RNF43: variants seen among roughly 807,000 people sequenced by gnomAD.
RNF43 encodes the protein E3 ubiquitin-protein ligase RNF43.
In RNF43, 37 loss-of-function variants were observed where a neutral mutation model predicts 78.4. The observed-to-expected ratio is 0.47, with a 90% confidence interval of 0.36 to 0.62. The LOEUF (loss-of-function observed/expected upper bound fraction) is 0.62. Ranked by LOEUF, RNF43 falls within the 20% of genes least tolerant of loss-of-function variation. RNF43 has a pLI of 0.00. For synonymous variants in RNF43, 347 were observed against 395.0 expected, an observed-to-expected ratio of 0.88 and a Z score of 1.44; for missense variants, 774 against 1,007.9, an observed-to-expected ratio of 0.77 and a Z score of 3.14.
intron 2 of RNF43, among the ~76,000 whole-genome samples, chr17:58,400,419 A>C (rs1431642492): frequency 1.3e-5 from 2 of 152,252 alleles, no homozygotes; most frequent in Non-Finnish European, 2.9e-5. Flanking sequence ...CACACTTAGT[A>C]ATATTTCTGA....
intron 2 of RNF43, among the ~76,000 whole-genome samples, chr17:58,395,990 C>T (rs1423531112): frequency 6.6e-6 from 1 of 152,124 alleles, no homozygotes; most frequent in East Asian, 1.9e-4. Context: ...GCATGCATTT[C>T]CATTGCCTGT....
At chr17:58,372,054 AAG>A (rs1973109464) in intron 2 of RNF43, among the ~76,000 whole-genome samples, 2 of 152,312 alleles carry the variant, frequency 1.3e-5, no homozygotes, top group African/African-American at 4.8e-5. Context: ...CCTGGCAAGA[AAG>A]AGATTTCTTA....
At position 58,387,660 on chromosome 17, in the gene RNF43, C is replaced by CAA. The variant is rs199748044; in HGVS notation, c.253-16629_253-16628dup. On this transcript the variant is annotated intron_variant, in intron 2 of 9. Coordinates refer to ENST00000407977, the MANE Select transcript of RNF43 (RefSeq NM_017763.6). The stretch of plus-strand genomic sequence containing the variant: ...GGGCGACAGAGAGAGACTCCATCTT[C>CAA]AAAAAAAAAACAAAAAAACAAAGTG... Among the ~76,000 whole-genome samples the CAA allele has an allele frequency of 9.1e-3, 1,285 of 141,188 alleles. 21 individuals carry two copies. Among genetic ancestry groups the CAA allele is most frequent in the African/African-American group, 0.031 (1,202 of 38,344 alleles). 92.6% of individuals were successfully genotyped at this position (141,188 alleles called of 152,430 possible). A position where few individuals can be genotyped will look rare whatever the true frequency, so the allele number is the denominator to read the frequency against.
intron 2 of RNF43, among the ~76,000 whole-genome samples, chr17:58,414,801 G>C (rs1010839184): frequency 3.9e-5 from 6 of 152,108 alleles, no homozygotes; most frequent in Non-Finnish European, 8.8e-5. Flanking sequence ...CTCCATTTTG[G>C]GGTTAGCAAT....
chr17:58,371,102 C>A (rs1973086821), intron 2 of RNF43, 69 bp from the exon 3 acceptor site: 1 of 1,416,290 alleles, frequency 7.1e-7, no homozygotes. Context: ...GAGCCATATA[C>A]CTCTCCATTT....
intron 6 of RNF43, among the ~76,000 whole-genome samples, chr17:58,361,424 A>G (rs1345316568): frequency 6.6e-6 from 1 of 152,124 alleles, no homozygotes; most frequent in Non-Finnish European, 1.5e-5. Context: ...TTTGCCTTCA[A>G]AATATACCCA....
intron 2 of RNF43, among the ~76,000 whole-genome samples, chr17:58,387,720 G>A (rs1973468312): frequency 6.6e-6 from 1 of 152,008 alleles, no homozygotes; most frequent in South Asian, 2.1e-4. Flanking sequence ...CTATTAGATT[G>A]ACAATGACAA....
chr17:58,361,972 G>A (rs1972842559), intron 6 of RNF43, among the ~76,000 whole-genome samples: 1 of 151,944 alleles, frequency 6.6e-6, no homozygotes, highest in Admixed American at 6.6e-5. Context: ...GTAGCTCCCA[G>A]CTACTCGCGA....
intron 2 of RNF43, among the ~76,000 whole-genome samples, chr17:58,378,033 T>C (rs1285514536): frequency 6.6e-6 from 1 of 152,136 alleles, no homozygotes; most frequent in Admixed American, 6.5e-5. Context: ...GGCCCACCAC[T>C]GAGGCCCAGC....
In RNF43 at chr17:58,358,442, C is replaced by T. The variant is rs1457710046; in HGVS notation, c.1334G>A (p.Gly445Glu). ...TTCTGTGCAATAGCTTTCTCCAGATCCACTGCTGTCAGGGGGCCTGGCCCG... is the reference window on the plus strand; with the variant it reads ...TTCTGTGCAATAGCTTTCTCCAGATTCACTGCTGTCAGGGGGCCTGGCCCG... ...LRRARPPDSS[G>E]SGESYCTERS... Residue 445 changes from glycine to glutamate, a missense_variant, in exon 9 of 10, where the codon GGA becomes GAA. Physicochemically the swap from Gly to Glu is moderately conservative, Grantham distance 98 (BLOSUM62 -2). Transcript: ENST00000407977. The surrounding 1 kb of genome is among the most constrained non-coding windows in gnomAD (Gnocchi z 6.2). 1 of 1,614,000 alleles carries T rather than the reference C, an allele frequency of 6.2e-7. No homozygotes were observed.
chr17:58,416,404 T>A (rs544884651), intron 1 of RNF43: 2 of 152,358 alleles, frequency 1.3e-5, no homozygotes, highest in Non-Finnish European at 2.9e-5. Context: ...ACTTTCATAA[T>A]TAGAGTATTT....
chr17:58,399,361 C>T (rs1187906051), intron 2 of RNF43, among the ~76,000 whole-genome samples: 1 of 152,118 alleles, frequency 6.6e-6, no homozygotes, highest in East Asian at 1.9e-4. Flanking sequence ...TTGATAGATG[C>T]TATGACAAAA....
intron 2 of RNF43, among the ~76,000 whole-genome samples, chr17:58,391,694 G>A (rs564680936): frequency 3.3e-5 from 5 of 152,282 alleles, no homozygotes; most frequent in East Asian, 1.9e-4. Flanking sequence ...TTACCCACCC[G>A]TCAGATATTA....
rs768840363 is a variant in RNF43, at chr17:58,358,795, T to C, written c.981A>G (p.Gly327=). 2.6e-5 allele frequency: 40 copies of C among 1,528,518 alleles called. No individual in the cohort carries two copies. Among genetic ancestry groups the C allele is most frequent in the Non-Finnish European group, 3.3e-5 (38 of 1,139,166 alleles). 94.7% of individuals were successfully genotyped at this position (1,528,518 alleles called of 1,614,324 possible). The stretch of plus-strand genomic sequence containing the variant: ...CTGGTTCTTGGTAAGATCGAGAGGG[T>C]CCCAGGGACTGGGAAAATGAATCTC... The part of the protein sequence containing the change: ...TEGDSFSQSL[G]PSRSYQEPGR... Residue 327 remains glycine (G), a synonymous_variant, in exon 9 of 10, where the codon GGA becomes GGG. Transcript: ENST00000407977. This position sits in a 1 kb window ranked among gnomAD's most constrained non-coding sequence, Gnocchi z 6.2.
At chr17:58,397,217 G>T (rs1182248387) in intron 2 of RNF43, among the ~76,000 whole-genome samples, 1 of 152,162 alleles carries the variant, frequency 6.6e-6, no homozygotes, top group Non-Finnish European at 1.5e-5. Flanking sequence ...GGATTATGAA[G>T]AATGTGCCAT....
chr17:58,378,233 G>A (rs546668368), intron 2 of RNF43, among the ~76,000 whole-genome samples: 57 of 152,238 alleles, frequency 3.7e-4, no homozygotes, highest in Admixed American at 2.1e-3. Context: ...ATTGTCGAGA[G>A]GAGTTTCTCT....
chr17:58,415,802 G>A lies in RNF43; in HGVS notation c.-225C>T. The A allele has an allele frequency of 1.7e-6, 1 of 579,272 alleles. No individual in the cohort carries two copies. The allele number at this position is 579,272 out of a possible 1,614,324, so 35.9% of individuals were successfully genotyped here. ...AGGATATTTTCAGCCCACATCTGCT[G>A]CAGGTATGTCATTTTCTCCCATCTT... On this transcript the variant is annotated 5_prime_UTR_variant, in exon 2 of 10. An upstream open reading frame in the 5' UTR gains an earlier in-frame stop. Coordinates refer to ENST00000407977, the MANE Select transcript of RNF43 (RefSeq NM_017763.6).
chr17:58,370,788 G>A, intron 3 of RNF43, 123 bp downstream of exon 3: 2 of 1,154,166 alleles, frequency 1.7e-6, no homozygotes. Flanking sequence ...CATGGGTTAG[G>A]GAAACCCAAG....
intron 2 of RNF43, among the ~76,000 whole-genome samples, chr17:58,404,590 T>C (rs1019324088): frequency 6.6e-6 from 1 of 152,208 alleles, no homozygotes; most frequent in Admixed American, 6.5e-5. Flanking sequence ...TAAATGGTTC[T>C]CTATATGCCT....
Sources: allele counts gnomAD v4.1 joint callset (sites outside exome capture counted in the v4.1 genomes callset), GRCh38; gene constraint gnomAD v4.1.1; non-coding constraint Gnocchi (gnomAD v3.1); transcripts MANE v1.5; gene names NCBI Gene and HGNC (gene_info 2026-07-23, HGNC 2026-07-21).